The following DPP6 variants were observed in gnomAD, a reference collection of about 807,000 sequenced individuals.
The protein encoded by DPP6 is dipeptidyl peptidase like 6, also known as A-type potassium channel modulatory protein DPP6.
DPP6 carries 69 observed loss-of-function variants against 122.6 expected under a neutral mutation model. That is an observed-to-expected ratio of 0.56 (90% CI 0.46 to 0.69). The LOEUF is 0.69. Among genes scored for constraint, DPP6 ranks in the 30% least tolerant of loss-of-function variants. The pLI, the probability that DPP6 is intolerant of heterozygous loss-of-function variation, is 0.00. For missense variants in DPP6, 928 were observed against 1,116.9 expected (o/e 0.83, Z 2.41); for synonymous variants, 418 against 433.1 (o/e 0.97, Z 0.43).
chr7:154,556,656 T>C lies in DPP6; in HGVS notation c.553-10186T>C, dbSNP rs1830068117. On this transcript the variant is annotated intron_variant, in intron 4 of 25. Coordinates refer to ENST00000377770, the MANE Select transcript of DPP6 (RefSeq NM_130797.4). Reference sequence around the variant, plus strand: ...ATCCTGAAGCTATAAAAGATAGCCATATTTAATTTGCCATATATGATTTTA... The same window carrying C: ...ATCCTGAAGCTATAAAAGATAGCCACATTTAATTTGCCATATATGATTTTA... Among the ~76,000 whole-genome samples, 2 of 152,206 alleles carry C rather than the reference T, an allele frequency of 1.3e-5. 1 individual carries two copies. The highest frequency in any genetic ancestry group is 1.3e-4 in the Admixed American group (2 of 15,270).
chr7:154,646,948 C>CT (rs1836523549), intron 6 of DPP6, among the ~76,000 whole-genome samples: 1 of 152,202 alleles, frequency 6.6e-6, no homozygotes, highest in Admixed American at 6.5e-5. Context: ...CCCTCAGGGA[C>CT]TTTCTTAGAA....
At chr7:154,091,867 C>G (rs1393929396) in intron 1 of DPP6, among the ~76,000 whole-genome samples, 1 of 152,112 alleles carries the variant, frequency 6.6e-6, no homozygotes, top group Non-Finnish European at 1.5e-5. Flanking sequence ...ATAAACTGTC[C>G]AAAGCAAGGT....
At chr7:153,983,975 G>A (rs913234170) in intron 1 of DPP6, among the ~76,000 whole-genome samples, 2 of 151,552 alleles carry the variant, frequency 1.3e-5, no homozygotes, top group African/African-American at 2.4e-5. Flanking sequence ...GCTGCAGATC[G>A]GAGCTGTTCC....
At chr7:154,237,879 C>T (rs535470508) in intron 1 of DPP6, among the ~76,000 whole-genome samples, 5 of 152,236 alleles carry the variant, frequency 3.3e-5, no homozygotes, top group African/African-American at 4.8e-5. Flanking sequence ...GCCCTGGGAG[C>T]GTGTAAGTCC....
chr7:154,374,531 C>T (rs1222103265), intron 1 of DPP6, among the ~76,000 whole-genome samples: 1 of 152,142 alleles, frequency 6.6e-6, no homozygotes, highest in Non-Finnish European at 1.5e-5. Flanking sequence ...TGTCTTTCCC[C>T]TCCACACTTT....
At chr7:153,796,482 T>C in the DPP6 span, among the ~76,000 whole-genome samples, 59,801 of 143,062 alleles carry the variant, frequency 0.42, 13,492 homozygotes, top group South Asian at 0.52. Flanking sequence ...TTGCCCAAAT[T>C]GAAGCCTGGT....
At chr7:154,105,961 T>G (rs1318711481) in intron 1 of DPP6, among the ~76,000 whole-genome samples, 3 of 149,548 alleles carry the variant, frequency 2.0e-5, no homozygotes, top group Non-Finnish European at 4.4e-5. Flanking sequence ...CCCATCTCAC[T>G]TTTGGCCTGT....
intron 1 of DPP6, among the ~76,000 whole-genome samples, chr7:154,137,387 C>G (rs1157930634): frequency 6.6e-6 from 1 of 151,796 alleles, no homozygotes; most frequent in African/African-American, 2.4e-5. Context: ...GTCACCTTCT[C>G]TAGAGAGATA....
intron 1 of DPP6, among the ~76,000 whole-genome samples, chr7:154,318,024 C>A (rs1012944097): frequency 1.3e-4 from 20 of 152,270 alleles, no homozygotes; most frequent in African/African-American, 4.8e-4. Context: ...CATGAAACTC[C>A]AAATAACTTT....
intron 1 of DPP6, among the ~76,000 whole-genome samples, chr7:154,378,558 G>A (rs1413577463): frequency 6.6e-6 from 1 of 152,168 alleles, no homozygotes; most frequent in Non-Finnish European, 1.5e-5. Flanking sequence ...GTTTGCAGAT[G>A]GCTGCCTTCT....
chr7:153,939,553 C>T (rs1022061616), intron 1 of DPP6, among the ~76,000 whole-genome samples: 11 of 152,146 alleles, frequency 7.2e-5, no homozygotes, highest in Non-Finnish European at 4.4e-5. Flanking sequence ...AAAAAAGGAC[C>T]TCACTCAGGC....
chr7:153,764,435 C>G, the DPP6 span, among the ~76,000 whole-genome samples: 85 of 152,250 alleles, frequency 5.6e-4, 2 homozygotes, highest in Non-Finnish European at 1.9e-4. Context: ...CCTCGCTCCT[C>G]CTCTGCACTC....
At chr7:154,346,104 C>A (rs1810373604) in intron 1 of DPP6, among the ~76,000 whole-genome samples, 1 of 152,146 alleles carries the variant, frequency 6.6e-6, no homozygotes, top group Admixed American at 6.5e-5. Context: ...ATTAAAAAGA[C>A]AAGCACTTCC....
intron 8 of DPP6, among the ~76,000 whole-genome samples, chr7:154,729,541 C>T (rs1842232862): frequency 1.3e-5 from 2 of 152,134 alleles, no homozygotes; most frequent in Non-Finnish European, 2.9e-5. Flanking sequence ...AATGTATATA[C>T]TATATAGCCC....
intron 10 of DPP6, among the ~76,000 whole-genome samples, chr7:154,783,113 C>A (rs1274674959): frequency 1.3e-5 from 2 of 152,158 alleles, no homozygotes; most frequent in Admixed American, 1.3e-4. Context: ...ACTGTCAGAA[C>A]CTGACTTGCC....
Position 153,960,526 on chromosome 7 carries a change from G to A in DPP6, c.51+72792G>A, listed in dbSNP as rs185663283. Among the ~76,000 whole-genome samples the A allele has an allele frequency of 3.0e-3, 461 of 151,394 alleles. 7 individuals carry two copies. The highest frequency in any genetic ancestry group is 0.011 in the African/African-American group (444 of 41,198). On this transcript the variant is annotated intron_variant, in intron 1 of 25. Transcript: ENST00000404039. ...TGAGGGAAGGTGAAAGCTGGAAAGA[G>A]TGAGTGATACCGAACTTTATTTTTT...
chr7:154,193,610 A>G (rs570991578), intron 1 of DPP6, among the ~76,000 whole-genome samples: 1 of 152,068 alleles, frequency 6.6e-6, no homozygotes, highest in Non-Finnish European at 1.5e-5. Flanking sequence ...GAATGGCAGC[A>G]TGTTTGGAGT....
chr7:154,194,151 G>A (rs1028678816), intron 1 of DPP6, among the ~76,000 whole-genome samples: 22 of 152,202 alleles, frequency 1.4e-4, no homozygotes, highest in Middle Eastern at 3.4e-3. Flanking sequence ...TGTGAAACCC[G>A]TCCCATTTCC....
rs897025824 is a variant in DPP6, at chr7:154,441,965, T to A, written c.244-4249T>A. ...TATTTTTGCCTGAGTTAAAAATAAG[T>A]ATGAGCAGCAGTGATGTCGCAAAGG... On this transcript the variant is annotated intron_variant, in intron 1 of 25. Coordinates refer to ENST00000377770, the MANE Select transcript of DPP6 (RefSeq NM_130797.4). Among the ~76,000 whole-genome samples, 3 of 152,224 alleles carry A rather than the reference T, an allele frequency of 2.0e-5. No homozygotes were observed. In the South Asian group the frequency reaches 6.2e-4, roughly 31 times the overall value.
Sources: gnomAD v4.1 joint callset for allele counts (sites outside exome capture counted in the v4.1 genomes callset) on GRCh38, gnomAD v4.1.1 for gene constraint, MANE v1.5 for transcripts, NCBI Gene and HGNC (gene_info 2026-07-23, HGNC 2026-07-21) for gene names.